USP40: variants seen among roughly 807,000 people sequenced by gnomAD.
USP40 encodes the protein ubiquitin carboxyl-terminal hydrolase 40.
USP40 carries 143 observed loss-of-function variants against 166.2 expected under a neutral mutation model. That is an observed-to-expected ratio of 0.86 (90% CI 0.75 to 0.99). The LOEUF is 0.99. Ranked by LOEUF, USP40 falls within the 50% of genes least tolerant of loss-of-function variation. USP40 has a pLI of 0.00. For synonymous variants in USP40, 498 were observed against 524.0 expected, an observed-to-expected ratio of 0.95 and a Z score of 0.68; for missense variants, 1,444 against 1,479.7, an observed-to-expected ratio of 0.98 and a Z score of 0.40.
chr2:233,521,304 A>T (rs1373136897), intron 16 of USP40, among the ~76,000 whole-genome samples, 190 bp from the exon 17 acceptor site: 1 of 152,198 alleles, frequency 6.6e-6, no homozygotes, highest in Non-Finnish European at 1.5e-5. Flanking sequence ...CATGACTCCA[A>T]ATATTCTTTG....
Position 233,554,415 on chromosome 2 carries a change from A to G in USP40, c.658T>C (p.Cys220Arg), listed in dbSNP as rs768028943. 6 of 1,612,838 alleles carry G rather than the reference A, an allele frequency of 3.7e-6. No individual in the cohort carries two copies. In the South Asian group the frequency reaches 5.5e-5, roughly 15 times the overall value. Residue 220 changes from cysteine to arginine, a missense_variant, in exon 6 of 32, where the codon TGT (cysteine) becomes CGT (arginine). By Grantham distance (180) the Cys-to-Arg change is radical. Transcript: ENST00000678225. Reference sequence around the variant, plus strand: ...TTAACCAGCCTGTCACAAGTTCCACAGTGGTACAAGTTGTCACAATCAAAA... The same window carrying G: ...TTAACCAGCCTGTCACAAGTTCCACGGTGGTACAAGTTGTCACAATCAAAA... ...EVFDCDNLYH[C>R]GTCDRLVKAA...
chr2:233,520,020 T>C (rs1339715578), intron 17 of USP40, among the ~76,000 whole-genome samples: 4 of 152,108 alleles, frequency 2.6e-5, no homozygotes, highest in Non-Finnish European at 4.4e-5. Context: ...CAAAATAAAC[T>C]GCAGGCAATC....
In USP40 at chr2:233,496,817, C is replaced by A; in HGVS notation, c.2731G>T (p.Glu911Ter). The A allele has an allele frequency of 1.9e-6, 3 of 1,612,244 alleles. No individual in the cohort carries two copies. Among genetic ancestry groups the A allele is most frequent in the Non-Finnish European group, 2.5e-6 (3 of 1,179,236 alleles). The stretch of plus-strand genomic sequence containing the variant: ...GTATCTCCAGAACATATCAGAAGTT[C>A]TTTCAGTGTTGCATCCTGGGAAGAC... ...PLCEEDATLK[E>*]LLICSGDTLL... Residue 911 changes from glutamate (E) to a stop codon, truncating the protein, a stop_gained, in exon 24 of 32, where the codon GAA becomes TAA. Coordinates refer to ENST00000678225, the MANE Select transcript of USP40 (RefSeq NM_001365479.2). LOFTEE classifies it high-confidence loss of function.
intron 8 of USP40, chr2:233,547,136 A>G (rs1215459280): frequency 6.6e-6 from 1 of 152,240 alleles, no homozygotes; most frequent in African/African-American, 2.4e-5. Context: ...TCCATAGATG[A>G]CTTCAACATG....
rs1247259441 is a variant in USP40 at position 233,511,740 on chromosome 2, A to G, written c.2495T>C (p.Leu832Pro). ...CGAACTTGGTGCTTTTCCAAGACAC[A>G]GTCCCAATGAACTTCCCATCTTCAA... The part of the protein sequence containing the change: ...AELKMGSSLG[L>P]CLGKAPSSSQ... The change falls in exon 20 of 32, where the codon CTG (leucine) becomes CCG (proline). Residue 832 changes from leucine to proline, a missense_variant. Transcript: ENST00000678225. 1 of 1,612,108 alleles carries G rather than the reference A, an allele frequency of 6.2e-7. No individual in the cohort carries two copies. Among genetic ancestry groups the G allele is most frequent in the Admixed American group, 1.7e-5 (1 of 59,842 alleles).
intron 31 of USP40, among the ~76,000 whole-genome samples, chr2:233,477,968 A>AC (rs948057864): frequency 1.3e-4 from 20 of 151,280 alleles, no homozygotes; most frequent in Admixed American, 2.0e-4. Flanking sequence ...TTTCGCTGTG[A>AC]CCCCCCCGGC....
chr2:233,523,530 T>G, intron 15 of USP40, 41 bp from the exon 16 acceptor site: 2 of 1,544,230 alleles, frequency 1.3e-6, no homozygotes, highest in Non-Finnish European at 1.8e-6. Context: ...AGCTGATATT[T>G]GCCAACACCG....
At chr2:233,551,729 T>C (rs72982383) in intron 6 of USP40, among the ~76,000 whole-genome samples, 9 of 152,328 alleles carry the variant, frequency 5.9e-5, no homozygotes, top group Middle Eastern at 3.4e-3. Context: ...TTACAATTAA[T>C]AATTTACAAC....
chr2:233,524,706 C>T lies in USP40; in HGVS notation c.1811-144G>A. ...GTAGTAATTATTTTTATTCTATTGA[C>T]ATTATTTCATTGTAATTTTTCTTTA... On this transcript the variant is annotated intron_variant, in intron 14 of 31. Coordinates refer to ENST00000678225, the MANE Select transcript of USP40 (RefSeq NM_001365479.2). 6.8e-6 allele frequency: 4 copies of T among 586,238 alleles called. No individual in the cohort carries two copies. The South Asian group carries it at 1.2e-4, about 18-fold the overall frequency. The allele number at this position is 586,238 out of a possible 1,614,324, so 36.3% of individuals were successfully genotyped here. A position where few individuals can be genotyped will look rare whatever the true frequency, so the allele number is the denominator to read the frequency against.
At chr2:233,537,015 C>G (rs959790636) in intron 10 of USP40, among the ~76,000 whole-genome samples, 3 of 151,934 alleles carry the variant, frequency 2.0e-5, no homozygotes, top group Non-Finnish European at 4.4e-5. Context: ...TCCCAAATAG[C>G]TGGGATTACA....
chr2:233,490,043 T>G (rs1452634063), intron 26 of USP40, among the ~76,000 whole-genome samples: 1 of 152,142 alleles, frequency 6.6e-6, no homozygotes, highest in Admixed American at 6.5e-5. Flanking sequence ...TTACCAATAT[T>G]CATCCATTTT....
chr2:233,518,188 TA>T (rs2067373120), intron 18 of USP40, among the ~76,000 whole-genome samples: 2 of 77,498 alleles, frequency 2.6e-5, no homozygotes, highest in South Asian at 4.3e-4. Flanking sequence ...AAAATAACAA[TA>T]AAAAATGTGC....
chr2:233,482,343 GAC>G (rs887690144), intron 30 of USP40, among the ~76,000 whole-genome samples: 7 of 149,994 alleles, frequency 4.7e-5, no homozygotes, highest in Non-Finnish European at 7.4e-5. Context: ...CAGCCTGGGT[GAC>G]AGAGTGAGAC....
intron 11 of USP40, among the ~76,000 whole-genome samples, chr2:233,531,401 C>T (rs1229220085): frequency 6.6e-6 from 1 of 152,120 alleles, no homozygotes; most frequent in Non-Finnish European, 1.5e-5. Context: ...CAAAAAAGTA[C>T]ACCTAGATTT....
At chr2:233,558,001 C>CA (rs71058563) in intron 4 of USP40, among the ~76,000 whole-genome samples, 33,912 of 51,186 alleles carry the variant, frequency 0.66, 12,454 homozygotes, top group East Asian at 0.85. Context: ...GACCTCATCT[C>CA]AAAAAAAAAA....
intron 26 of USP40, among the ~76,000 whole-genome samples, chr2:233,490,225 G>GC (rs2065247022): frequency 7.0e-6 from 1 of 143,150 alleles, no homozygotes; most frequent in African/African-American, 2.6e-5. Context: ...GTGCAGTGGC[G>GC]CAATCTCAGC....
At chr2:233,494,687 C>A (rs2065554281) in intron 24 of USP40, among the ~76,000 whole-genome samples, 1 of 150,872 alleles carries the variant, frequency 6.6e-6, no homozygotes, top group African/African-American at 2.4e-5. Context: ...GGCAACAAAG[C>A]AAGACAAAAA....
chr2:233,495,546 C>T (rs775639836), intron 24 of USP40, among the ~76,000 whole-genome samples: 3 of 152,040 alleles, frequency 2.0e-5, no homozygotes, highest in Non-Finnish European at 4.4e-5. Flanking sequence ...CATCAGGCAC[C>T]GTGCCTAGCC....
Position 233,476,563 on chromosome 2 carries a change from C to T in USP40, c.*829G>A, listed in dbSNP as rs2064189687. ...CTGCCCAGGACACCTGGAACCTGGG[C>T]TATGCCAGGCCTGTCTGCCACAGCC... On this transcript the variant is annotated 3_prime_UTR_variant, in exon 32 of 32. Coordinates refer to ENST00000678225, the MANE Select transcript of USP40 (RefSeq NM_001365479.2). The T allele has an allele frequency of 6.6e-6, 1 of 152,372 alleles. No homozygotes were observed. The highest frequency in any genetic ancestry group is 1.5e-5 in the Non-Finnish European group (1 of 68,054). The allele number at this position is 152,372 out of a possible 1,614,324, so 9.4% of individuals were successfully genotyped here.
Sources: allele counts gnomAD v4.1 joint callset (sites outside exome capture counted in the v4.1 genomes callset), GRCh38; gene constraint gnomAD v4.1.1; transcripts MANE v1.5; gene names NCBI Gene and HGNC (gene_info 2026-07-23, HGNC 2026-07-21).